OR4M1: variants seen among roughly 807,000 people sequenced by gnomAD.
OR4M1 encodes olfactory receptor family 4 subfamily M member 1, also known as olfactory receptor 4M1.
In OR4M1, 7 loss-of-function variants were observed where a neutral mutation model predicts 9.8. That is an observed-to-expected ratio of 0.71 (90% CI 0.41 to 1.34). The LOEUF is 1.34. Ranked by LOEUF, OR4M1 falls within the 40% of genes most tolerant of loss-of-function variation. OR4M1 has a pLI of 0.01. For missense variants in OR4M1, 331 were observed against 380.4 expected (o/e 0.87, Z 1.08); for synonymous variants, 121 against 139.8 (o/e 0.87, Z 0.95).
rs1030732571 is a variant in OR4M1, at chr14:19,783,182, G to C, written c.*1918G>C. 1 of 152,370 alleles carries C rather than the reference G, an allele frequency of 6.6e-6. No homozygotes were observed. Among genetic ancestry groups the C allele is most frequent in the South Asian group, 2.1e-4 (1 of 4,828 alleles). The allele number at this position is 152,370 out of a possible 1,614,324, so 9.4% of individuals were successfully genotyped here. ...AGAAACTAATATCAATGAAGAAAAA[G>C]GGGAACTTTTGGCAAACTCTAGTAA... is the stretch of plus-strand genomic sequence containing the variant. On this transcript the variant is annotated 3_prime_UTR_variant, in exon 2 of 2. Transcript: ENST00000641200.
rs1878533315 is a variant in OR4M1, at chr14:19,782,572, T to G, written c.*1308T>G. The G allele has an allele frequency of 6.6e-6, 1 of 152,224 alleles. No homozygotes were observed. The highest frequency in any genetic ancestry group is 6.5e-5 in the Admixed American group (1 of 15,276). The allele number at this position is 152,224 out of a possible 1,614,324, so 9.4% of individuals were successfully genotyped here. On this transcript the variant is annotated 3_prime_UTR_variant, in exon 2 of 2. Transcript: ENST00000641200. ...AGAGTTACTATTTATTTACAGAGATTTATTTATTAATTGAGGAGGTAATTT... is the reference window on the plus strand; with the variant it reads ...AGAGTTACTATTTATTTACAGAGATGTATTTATTAATTGAGGAGGTAATTT...
At chr14:19,776,033 A>T (rs946321059) in intron 1 of OR4M1, among the ~76,000 whole-genome samples, 2 of 152,134 alleles carry the variant, frequency 1.3e-5, no homozygotes, top group African/African-American at 4.8e-5. Context: ...ACCCGTCTAT[A>T]TGGTGAAGAT....
At position 19,782,731 on chromosome 14, in the gene OR4M1, C is replaced by G. The variant is rs1199293014; in HGVS notation, c.*1467C>G. 3.9e-5 allele frequency: 6 copies of G among 152,142 alleles called. No individual in the cohort carries two copies. Among genetic ancestry groups the G allele is most frequent in the Admixed American group, 2.0e-4 (3 of 15,266 alleles). 9.4% of individuals were successfully genotyped at this position (152,142 alleles called of 1,614,324 possible). A position where few individuals can be genotyped will look rare whatever the true frequency, so the allele number is the denominator to read the frequency against. ...CTACGTTACTTCTCTTCTAGGAACC[C>G]AAAGGCATGGATTGATGTTATGAGT... On this transcript the variant is annotated 3_prime_UTR_variant, in exon 2 of 2. Transcript: ENST00000641200.
chr14:19,781,147 G>T lies in OR4M1; in HGVS notation c.825G>T (p.Val275=). The T allele has an allele frequency of 6.2e-7, 1 of 1,614,182 alleles. No homozygotes were observed. Among genetic ancestry groups the T allele is most frequent in the Non-Finnish European group, 8.5e-7 (1 of 1,180,036 alleles). ...TTTCCCTAGATAAAGTGGTGTCTGTGTTTCATACTGTAATATTCCCTTTAC... is the reference window on the plus strand; with the variant it reads ...TTTCCCTAGATAAAGTGGTGTCTGTTTTTCATACTGTAATATTCCCTTTAC... ...DSFSLDKVVS[V]FHTVIFPLLN... is the part of the protein sequence containing the mutation. The change falls in exon 2 of 2, where the codon GTG becomes GTT. Residue 275 remains valine (V), a synonymous_variant. Coordinates refer to ENST00000641200, the MANE Select transcript of OR4M1 (RefSeq NM_001005500.2).
intron 1 of OR4M1, among the ~76,000 whole-genome samples, chr14:19,774,931 A>T (rs1003059489): frequency 6.6e-6 from 1 of 152,188 alleles, no homozygotes; most frequent in African/African-American, 2.4e-5. Context: ...TAGCTCCCCA[A>T]CCTACGGAAT....
intron 1 of OR4M1, among the ~76,000 whole-genome samples, chr14:19,778,933 C>T (rs1878386085): frequency 6.6e-6 from 1 of 152,186 alleles, no homozygotes; most frequent in African/African-American, 2.4e-5. Flanking sequence ...AAATTGATCC[C>T]TTTTCTAAAT....
In OR4M1 at chr14:19,783,598, A is replaced by T. The variant is rs1402425870; in HGVS notation, c.*2334A>T. The T allele has an allele frequency of 6.6e-6, 1 of 152,358 alleles. No homozygotes were observed. The highest frequency in any genetic ancestry group is 1.5e-5 in the Non-Finnish European group (1 of 68,088). 9.4% of individuals were successfully genotyped at this position (152,358 alleles called of 1,614,324 possible). The stretch of plus-strand genomic sequence containing the variant: ...AGCAATCACATACAAAATATGCCTC[A>T]GGACTCCTTTTCCCTATATAACTCC... On this transcript the variant is annotated 3_prime_UTR_variant, in exon 2 of 2. Transcript: ENST00000641200.
At chr14:19,776,103 T>C (rs1878302257) in intron 1 of OR4M1, among the ~76,000 whole-genome samples, 1 of 152,182 alleles carries the variant, frequency 6.6e-6, no homozygotes, top group African/African-American at 2.4e-5. Context: ...ATCCTAAAAA[T>C]AGGAAAATTA....
Position 19,776,758 on chromosome 14 carries a change from G to A in OR4M1, c.-30+3165G>A, listed in dbSNP as rs547468818. On this transcript the variant is annotated intron_variant, in intron 1 of 1. Coordinates refer to ENST00000641200, the MANE Select transcript of OR4M1 (RefSeq NM_001005500.2). ...TTGGGGTGTTACAGTGCATACCCAA[G>A]TATGTATAGTTTATTTAGCCCAATT... 1.7e-3 allele frequency among the ~76,000 whole-genome samples: 252 copies of A among 152,152 alleles called. 1 individual carries two copies. The highest frequency in any genetic ancestry group is 5.8e-3 in the African/African-American group (242 of 41,518).
chr14:19,777,007 C>CATATATATATATATATATAT (rs71431978), intron 1 of OR4M1, among the ~76,000 whole-genome samples: 4 of 45,924 alleles, frequency 8.7e-5, no homozygotes, highest in Non-Finnish European at 1.2e-4. Context: ...TTGTTTAAGC[C>CATATATATATATATATATAT]ATATATATAT....
chr14:19,773,616 C>T (rs1463075764), intron 1 of OR4M1, 23 bp downstream of exon 1: 4 of 152,204 alleles, frequency 2.6e-5, no homozygotes, highest in East Asian at 3.9e-4. Context: ...TTGTTATAAC[C>T]TTTACATAAA....
Position 19,780,405 on chromosome 14 carries a change from T to G in OR4M1, c.83T>G (p.Phe28Cys), listed in dbSNP as rs753313008. ...ACTCGGGAGGTCCAACTAGTCCTAT[T>G]TGTTATATTTCTATCCTTCTATTTG... Reference protein sequence around the residue: ...SQTREVQLVLFVIFLSFYLFI... With the variant: ...SQTREVQLVLCVIFLSFYLFI... Residue 28 changes from phenylalanine (F) to cysteine (C), a missense_variant, in exon 2 of 2, where the codon TTT becomes TGT. This residue lies in a region of OR4M1 where 209 missense variants were observed against 200.0 expected (regional missense o/e 1.04). Coordinates refer to ENST00000641200, the MANE Select transcript of OR4M1 (RefSeq NM_001005500.2). The G allele has an allele frequency of 2.1e-5, 34 of 1,614,068 alleles. No homozygotes were observed. In the South Asian group the frequency reaches 3.3e-4, roughly 16 times the overall value.
rs1166825420 is a variant in OR4M1 at position 19,783,519 on chromosome 14, C to T, written c.*2255C>T. 6.6e-6 allele frequency: 1 copy of T among 152,264 alleles called. No homozygotes were observed. The highest frequency in any genetic ancestry group is 1.5e-5 in the Non-Finnish European group (1 of 68,044). The allele number at this position is 152,264 out of a possible 1,614,324, so 9.4% of individuals were successfully genotyped here. On this transcript the variant is annotated 3_prime_UTR_variant, in exon 2 of 2. Transcript: ENST00000641200. ...TAGTGTAGAAGAAATAGGTGTTAAC[C>T]TCATATGCAATGTTGTGTCATTGAA...
In OR4M1 at chr14:19,783,364, G is replaced by C. The variant is rs1201719613; in HGVS notation, c.*2100G>C. 2.0e-5 allele frequency: 3 copies of C among 152,488 alleles called. No individual in the cohort carries two copies. Among genetic ancestry groups the C allele is most frequent in the Non-Finnish European group, 4.4e-5 (3 of 68,224 alleles). The allele number at this position is 152,488 out of a possible 1,614,324, so 9.4% of individuals were successfully genotyped here. On this transcript the variant is annotated 3_prime_UTR_variant, in exon 2 of 2. Coordinates refer to ENST00000641200, the MANE Select transcript of OR4M1 (RefSeq NM_001005500.2). Reference sequence around the variant, plus strand: ...TTGTACTATTTAGACATCTTACAATGCACAGGACAGCCCCCAGCCCCTGAC... The same window carrying C: ...TTGTACTATTTAGACATCTTACAATCCACAGGACAGCCCCCAGCCCCTGAC...
rs71431980 is a variant in OR4M1, at chr14:19,782,856, G to GATATATATAT, written c.*1596_*1605dup. 6.6e-6 allele frequency: 1 copy of GATATATATAT among 151,066 alleles called. No homozygotes were observed. The highest frequency in any genetic ancestry group is 1.5e-5 in the Non-Finnish European group (1 of 67,720). The allele number at this position is 151,066 out of a possible 1,614,324, so 9.4% of individuals were successfully genotyped here. On this transcript the variant is annotated 3_prime_UTR_variant, in exon 2 of 2. Transcript: ENST00000641200. The stretch of plus-strand genomic sequence containing the variant: ...GCATGAAAAAATATAAAGTACAAAA[G>GATATATATAT]ATATATATATATAATATGATAAAAT...
intron 1 of OR4M1, among the ~76,000 whole-genome samples, chr14:19,779,521 A>T (rs1169888275): frequency 1.3e-5 from 2 of 152,214 alleles, no homozygotes; most frequent in Non-Finnish European, 2.9e-5. Flanking sequence ...TCCCATTGTC[A>T]CCTTGAAACA....
chr14:19,775,545 ATATAATATATAT>A (rs1355876978), intron 1 of OR4M1, among the ~76,000 whole-genome samples: 4 of 147,562 alleles, frequency 2.7e-5, no homozygotes, highest in Non-Finnish European at 1.5e-5. Context: ...TATATATATA[ATATAATATATAT>A]TATAATATAT....
chr14:19,783,602 C>T lies in OR4M1; in HGVS notation c.*2338C>T, dbSNP rs1878566824. On this transcript the variant is annotated 3_prime_UTR_variant, in exon 2 of 2. Coordinates refer to ENST00000641200, the MANE Select transcript of OR4M1 (RefSeq NM_001005500.2). ...ATCACATACAAAATATGCCTCAGGA[C>T]TCCTTTTCCCTATATAACTCCTACA... is the stretch of plus-strand genomic sequence containing the variant. The T allele has an allele frequency of 6.6e-6, 1 of 152,292 alleles. No individual in the cohort carries two copies. Among genetic ancestry groups the T allele is most frequent in the Non-Finnish European group, 1.5e-5 (1 of 68,062 alleles). 9.4% of individuals were successfully genotyped at this position (152,292 alleles called of 1,614,324 possible).
intron 1 of OR4M1, among the ~76,000 whole-genome samples, chr14:19,778,140 T>A (rs1878365378): frequency 6.6e-6 from 1 of 152,222 alleles, no homozygotes; most frequent in Admixed American, 6.6e-5. Context: ...AGTTTCTAAT[T>A]TTATGTTGTA....
Sources: gnomAD v4.1 joint callset for allele counts (sites outside exome capture counted in the v4.1 genomes callset) on GRCh38, gnomAD v4.1.1 for gene constraint, gnomAD v4.1.1 regional missense constraint, MANE v1.5 for transcripts, NCBI Gene and HGNC (gene_info 2026-07-23, HGNC 2026-07-21) for gene names.